The following PDPK1 variants were observed in gnomAD, a reference collection of about 807,000 sequenced individuals.
The protein encoded by PDPK1 is 3-phosphoinositide dependent protein kinase 1, also known as 3-phosphoinositide-dependent protein kinase 1.
In PDPK1, 7 loss-of-function variants were observed where a neutral mutation model predicts 39.8. The ratio of observed to expected loss-of-function variants is 0.18; its 90% CI spans 0.10 to 0.33. The LOEUF (loss-of-function observed/expected upper bound fraction) is 0.33, where lower values mean the gene tolerates loss of function less well. PDPK1 is among the 10% of genes least tolerant of loss of function. The pLI is 1.00. For missense variants in PDPK1, 182 were observed against 384.7 expected (o/e 0.47, Z 4.41); for synonymous variants, 118 against 159.1 (o/e 0.74, Z 1.95).
In PDPK1 at chr16:2,602,491, T is replaced by C. The variant is rs534430467; in HGVS notation, c.*4724T>C. 472 of 234,982 alleles carry C rather than the reference T, an allele frequency of 2.0e-3. No individual in the cohort carries two copies. Among genetic ancestry groups the C allele is most frequent in the Admixed American group, 3.5e-3 (62 of 17,802 alleles). 14.6% of individuals were successfully genotyped at this position (234,982 alleles called of 1,614,324 possible). A position where few individuals can be genotyped will look rare whatever the true frequency, so the allele number is the denominator to read the frequency against. On this transcript the variant is annotated 3_prime_UTR_variant, in exon 14 of 14. Coordinates refer to ENST00000342085, the MANE Select transcript of PDPK1 (RefSeq NM_002613.5). ...CACCAAACTATGTACAGAGAACTTTTTACAAAAGGCAGACCTTTTTTAAGC... is the reference window on the plus strand; with the variant it reads ...CACCAAACTATGTACAGAGAACTTTCTACAAAAGGCAGACCTTTTTTAAGC...
chr16:2,553,739 TG>T (rs2066460289), intron 1 of PDPK1, among the ~76,000 whole-genome samples: 1 of 151,248 alleles, frequency 6.6e-6, no homozygotes, highest in Non-Finnish European at 1.5e-5. Context: ...GTTGAGTAAC[TG>T]GAAGTGTTGA....
chr16:2,590,149 C>G (rs2066959672), intron 11 of PDPK1, among the ~76,000 whole-genome samples: 1 of 152,056 alleles, frequency 6.6e-6, no homozygotes, highest in Admixed American at 6.6e-5. Flanking sequence ...GAGGCGGAGT[C>G]TCCCTCTGTC....
At chr16:2,591,579 G>A (rs1281023783) in intron 11 of PDPK1, among the ~76,000 whole-genome samples, 3 of 152,168 alleles carry the variant, frequency 2.0e-5, no homozygotes, top group African/African-American at 4.8e-5. Context: ...TCTCTAAAAA[G>A]GCTGAGTATA....
At chr16:2,538,209 G>A (rs2066172743) in intron 1 of PDPK1, 73 bp downstream of exon 1, 3 of 843,978 alleles carry the variant, frequency 3.6e-6, no homozygotes, top group Non-Finnish European at 4.4e-6. Flanking sequence ...CGGGTCCGGC[G>A]AGGCGGGGCG....
intron 1 of PDPK1, among the ~76,000 whole-genome samples, chr16:2,542,282 C>A (rs1435762461): frequency 6.6e-6 from 1 of 152,170 alleles, no homozygotes; most frequent in African/African-American, 2.4e-5. Context: ...GCCTCAGGCT[C>A]CCAAGTAGCT....
chr16:2,596,926 G>A (rs2067114963), intron 12 of PDPK1, among the ~76,000 whole-genome samples, 197 bp from the exon 13 acceptor site: 1 of 152,132 alleles, frequency 6.6e-6, no homozygotes. Context: ...CAGCAGCAGA[G>A]GCCTGTGCTG....
rs978549916 is a variant in PDPK1, at chr16:2,603,063, A to G, written c.*5296A>G. On this transcript the variant is annotated 3_prime_UTR_variant, in exon 14 of 14. Transcript: ENST00000342085. ...TTTCTATTGGGTCAGTGATTTAATCATATAATTTAATGAATCTGTTTATCC... is the reference window on the plus strand; with the variant it reads ...TTTCTATTGGGTCAGTGATTTAATCGTATAATTTAATGAATCTGTTTATCC... The G allele has an allele frequency of 4.4e-6, 1 of 228,590 alleles. No homozygotes were observed. The highest frequency in any genetic ancestry group is 8.7e-6 in the Non-Finnish European group (1 of 115,216). 14.2% of individuals were successfully genotyped at this position (228,590 alleles called of 1,614,324 possible).
rs533855118 is a variant in PDPK1 at position 2,593,121 on chromosome 16, G to C, written c.1344-2672G>C. On this transcript the variant is annotated intron_variant, in intron 11 of 13. Coordinates refer to ENST00000342085, the MANE Select transcript of PDPK1 (RefSeq NM_002613.5). This position sits in a 1 kb window ranked among gnomAD's most constrained non-coding sequence, Gnocchi z 4.2. ...GAGTCCTCCCCAGGCTGCAGGTGCC[G>C]AGCGGGAGCACCACTCCTGCACGCC... 4.4e-6 allele frequency: 2 copies of C among 454,996 alleles called. No individual in the cohort carries two copies. The highest frequency in any genetic ancestry group is 2.3e-5 in the Admixed American group (1 of 42,554). 28.2% of individuals were successfully genotyped at this position (454,996 alleles called of 1,614,324 possible). A position where few individuals can be genotyped will look rare whatever the true frequency, so the allele number is the denominator to read the frequency against.
intron 1 of PDPK1, among the ~76,000 whole-genome samples, chr16:2,545,288 T>A (rs1437317202): frequency 6.6e-6 from 1 of 152,090 alleles, no homozygotes; most frequent in East Asian, 1.9e-4. Context: ...TCCTCAGTGG[T>A]CACCTGTCCT....
At position 2,600,952 on chromosome 16, in the gene PDPK1, T is replaced by C. The variant is rs1285877025; in HGVS notation, c.*3185T>C. On this transcript the variant is annotated 3_prime_UTR_variant, in exon 14 of 14. Coordinates refer to ENST00000342085, the MANE Select transcript of PDPK1 (RefSeq NM_002613.5). ...AGCATTTTCCCATGTCATGAGTTTCTCAGAAACATGTTTTTAACAATTGTA... is the reference window on the plus strand; with the variant it reads ...AGCATTTTCCCATGTCATGAGTTTCCCAGAAACATGTTTTTAACAATTGTA... 1 of 228,534 alleles carries C rather than the reference T, an allele frequency of 4.4e-6. No individual in the cohort carries two copies. The highest frequency in any genetic ancestry group is 8.6e-6 in the Non-Finnish European group (1 of 116,738). 14.2% of individuals were successfully genotyped at this position (228,534 alleles called of 1,614,324 possible).
Position 2,538,092 on chromosome 16 carries a change from G to C in PDPK1, c.-21G>C. On this transcript the variant is annotated 5_prime_UTR_variant, in exon 1 of 14. Coordinates refer to ENST00000342085, the MANE Select transcript of PDPK1 (RefSeq NM_002613.5). ...AGCCGCGCAGCGCTGCGGGGGAGGC[G>C]CCCGCGCCGACGCGGGGCCCATGGC... 3.9e-6 allele frequency: 4 copies of C among 1,021,440 alleles called. No individual in the cohort carries two copies. Among genetic ancestry groups the C allele is most frequent in the Non-Finnish European group, 4.7e-6 (4 of 849,158 alleles). The allele number at this position is 1,021,440 out of a possible 1,614,324, so 63.3% of individuals were successfully genotyped here. A position where few individuals can be genotyped will look rare whatever the true frequency, so the allele number is the denominator to read the frequency against.
intron 2 of PDPK1, among the ~76,000 whole-genome samples, chr16:2,558,476 TC>T (rs1190417154): frequency 2.0e-5 from 3 of 150,736 alleles, no homozygotes; most frequent in Non-Finnish European, 4.4e-5. Context: ...AGTCTTGTGT[TC>T]CGAGTTTCAC....
intron 6 of PDPK1, 198 bp from the exon 7 acceptor site, chr16:2,577,227 G>A (rs2066728877): frequency 6.3e-6 from 4 of 636,690 alleles, no homozygotes; most frequent in Middle Eastern, 4.0e-4. Context: ...GTGTCGGGTG[G>A]GAGCGCCAGG....
chr16:2,544,464 A>T (rs1181132995), intron 1 of PDPK1, among the ~76,000 whole-genome samples: 1 of 152,216 alleles, frequency 6.6e-6, no homozygotes. Flanking sequence ...GTTCTGAAAA[A>T]TTTCAAAACC....
intron 11 of PDPK1, 31 bp downstream of exon 11, chr16:2,586,924 T>G (rs766192350): frequency 3.8e-6 from 6 of 1,580,364 alleles, no homozygotes; most frequent in Non-Finnish European, 5.2e-6. Flanking sequence ...GCAATGCTTT[T>G]TGCAGAATTG....
chr16:2,596,551 G>A (rs962015805), intron 12 of PDPK1, among the ~76,000 whole-genome samples: 1 of 152,212 alleles, frequency 6.6e-6, no homozygotes, highest in African/African-American at 2.4e-5. Context: ...TGGTCTGTAT[G>A]GAGCCAGGCA....
chr16:2,539,518 C>T (rs1251292822), intron 1 of PDPK1: 4 of 152,162 alleles, frequency 2.6e-5, no homozygotes, highest in African/African-American at 9.7e-5. Context: ...AATTTTGTAA[C>T]TACGTCAGGA....
chr16:2,598,223 A>G lies in PDPK1; in HGVS notation c.*456A>G, dbSNP rs1469198047. 2 of 233,592 alleles carry G rather than the reference A, an allele frequency of 8.6e-6. No individual in the cohort carries two copies. Among genetic ancestry groups the G allele is most frequent in the Non-Finnish European group, 1.7e-5 (2 of 119,742 alleles). 14.5% of individuals were successfully genotyped at this position (233,592 alleles called of 1,614,324 possible). A position where few individuals can be genotyped will look rare whatever the true frequency, so the allele number is the denominator to read the frequency against. On this transcript the variant is annotated 3_prime_UTR_variant, in exon 14 of 14. Coordinates refer to ENST00000342085, the MANE Select transcript of PDPK1 (RefSeq NM_002613.5). ...ATGCCCCTCCCGCTGTGGTCCTGGA[A>G]CTCTTCACCAGGGAGGGAGCCCTGC...
chr16:2,592,666 C>G, intron 11 of PDPK1: 1 of 411,882 alleles, frequency 2.4e-6, no homozygotes, highest in South Asian at 1.8e-5. Flanking sequence ...CAGAGCGAGA[C>G]TCTGTCTTAA....
Sources: gnomAD v4.1 joint callset for allele counts (sites outside exome capture counted in the v4.1 genomes callset) on GRCh38, gnomAD v4.1.1 for gene constraint, Gnocchi (gnomAD v3.1) non-coding constraint, MANE v1.5 for transcripts, NCBI Gene and HGNC (gene_info 2026-07-23, HGNC 2026-07-21) for gene names.